Variants in NRXN3 observed in about 807,000 individuals in gnomAD.
NRXN3 encodes neurexin 3.
NRXN3 carries 32 observed loss-of-function variants against 137.6 expected under a neutral mutation model. The observed-to-expected ratio is 0.23, with a 90% CI of 0.18 to 0.31. The LOEUF is 0.31. NRXN3 is among the 10% of genes least tolerant of loss of function. The pLI is 1.00. For synonymous variants in NRXN3, 798 were observed against 784.5 expected, an observed-to-expected ratio of 1.02 and a Z score of -0.29; for missense variants, 1,574 against 2,062.5, an observed-to-expected ratio of 0.76 and a Z score of 4.59.
rs1245071165 is a variant in NRXN3, at chr14:79,845,604, CAG to C, written c.4094-15728_4094-15727del. On this transcript the variant is annotated intron_variant, in intron 20 of 20. Transcript: ENST00000335750. Reference sequence around the variant, plus strand: ...CCAGAGAGACAGAGAGAGAGAGAGACAGAGAGAGAGACGGAGACGGGGAGAGA... The same window carrying C: ...CCAGAGAGACAGAGAGAGAGAGAGACAGAGAGAGACGGAGACGGGGAGAGA... Among the ~76,000 whole-genome samples, 9 of 89,784 alleles carry C rather than the reference CAG, an allele frequency of 1.0e-4. 1 individual carries two copies. Among genetic ancestry groups the C allele is most frequent in the Non-Finnish European group, 2.0e-4 (8 of 40,296 alleles). The allele number at this position is 89,784 out of a possible 152,430, so 58.9% of individuals were successfully genotyped here.
chr14:78,414,633 CCA>C (rs767029500), intron 4 of NRXN3, among the ~76,000 whole-genome samples: 5 of 152,128 alleles, frequency 3.3e-5, no homozygotes, highest in Non-Finnish European at 7.3e-5. Context: ...CTATTCCTCT[CCA>C]TGACCCTGCA....
intron 15 of NRXN3, among the ~76,000 whole-genome samples, chr14:79,111,037 G>C (rs374800625): frequency 6.6e-6 from 1 of 151,994 alleles, no homozygotes; most frequent in African/African-American, 2.4e-5. Flanking sequence ...TGGTCTGCCC[G>C]CCTCGGCCTC....
intron 8 of NRXN3, among the ~76,000 whole-genome samples, chr14:78,741,149 T>G (rs984487242): frequency 2.6e-5 from 4 of 152,182 alleles, no homozygotes; most frequent in South Asian, 2.1e-4. Context: ...GTAGGTTTCA[T>G]GGAAAGAGGA....
chr14:78,661,810 G>A (rs755471279), intron 6 of NRXN3, among the ~76,000 whole-genome samples: 2 of 151,804 alleles, frequency 1.3e-5, no homozygotes, highest in African/African-American at 2.4e-5. Context: ...TGATAGGGCT[G>A]TTGTATTGAG....
chr14:79,261,120 G>C (rs1463147105), intron 15 of NRXN3, among the ~76,000 whole-genome samples: 3 of 152,210 alleles, frequency 2.0e-5, no homozygotes, highest in Non-Finnish European at 4.4e-5. Flanking sequence ...AAGGGGTGAG[G>C]AGGAGGGTGA....
At chr14:79,749,790 T>C (rs562269694) in intron 19 of NRXN3, among the ~76,000 whole-genome samples, 9 of 149,512 alleles carry the variant, frequency 6.0e-5, no homozygotes, top group Non-Finnish European at 1.2e-4. Context: ...TTTTTTTTTA[T>C]TGCATGTCTG....
intron 19 of NRXN3, among the ~76,000 whole-genome samples, chr14:79,801,190 T>C (rs757678887): frequency 5.9e-5 from 9 of 152,332 alleles, no homozygotes; most frequent in Non-Finnish European, 1.2e-4. Context: ...AGGAAGGAAC[T>C]GAATTCATAT....
At chr14:79,523,645 A>G (rs2097091484) in intron 16 of NRXN3, among the ~76,000 whole-genome samples, 1 of 152,212 alleles carries the variant, frequency 6.6e-6, no homozygotes, top group Non-Finnish European at 1.5e-5. Flanking sequence ...TCAAAATGGA[A>G]GGAAAAAAAA....
chr14:79,648,137 C>G lies in NRXN3; in HGVS notation c.3445-15641C>G, dbSNP rs556748686. Among the ~76,000 whole-genome samples the G allele has an allele frequency of 6.7e-4, 90 of 135,034 alleles. 5 individuals are homozygous for G. Among genetic ancestry groups the G allele is most frequent in the African/African-American group, 2.1e-3 (87 of 40,714 alleles). The allele number at this position is 135,034 out of a possible 152,430, so 88.6% of individuals were successfully genotyped here. The stretch of plus-strand genomic sequence containing the variant: ...TTATTGAGGTTCAGAGAGGTTGCTA[C>G]TTATATGGTAGCAAAAGTATTTCCC... On this transcript the variant is annotated intron_variant, in intron 16 of 20. Transcript: ENST00000335750.
intron 4 of NRXN3, among the ~76,000 whole-genome samples, chr14:78,605,653 A>C (rs2097244278): frequency 6.6e-6 from 1 of 152,180 alleles, no homozygotes; most frequent in African/African-American, 2.4e-5. Flanking sequence ...CTCATTTTAC[A>C]GTCTTTACAA....
chr14:79,248,011 T>C (rs1017621727), intron 15 of NRXN3, among the ~76,000 whole-genome samples: 31 of 152,182 alleles, frequency 2.0e-4, no homozygotes, highest in African/African-American at 7.2e-4. Context: ...TGAGCTTTCT[T>C]TGACTGGTGG....
rs112289907 is a variant in NRXN3, at chr14:79,647,180, T to C, written c.3445-16598T>C. Among the ~76,000 whole-genome samples, 348 of 136,414 alleles carry C rather than the reference T, an allele frequency of 2.6e-3. 28 individuals are homozygous for C. The highest frequency in any genetic ancestry group is 7.8e-3 in the African/African-American group (320 of 40,988). 89.5% of individuals were successfully genotyped at this position (136,414 alleles called of 152,430 possible). A position where few individuals can be genotyped will look rare whatever the true frequency, so the allele number is the denominator to read the frequency against. ...TGGTAGAGTGGCAATTTTGTTTTTC[T>C]GGCTCTTATATTGCAATGAATATTT... is the stretch of plus-strand genomic sequence containing the variant. On this transcript the variant is annotated intron_variant, in intron 16 of 20. Coordinates refer to ENST00000335750, the MANE Select transcript of NRXN3 (RefSeq NM_001330195.2).
chr14:79,466,800 A>T (rs1037657483), intron 15 of NRXN3, among the ~76,000 whole-genome samples: 4 of 152,074 alleles, frequency 2.6e-5, no homozygotes, highest in Non-Finnish European at 5.9e-5. Context: ...GGCTCCACTG[A>T]CCAGATTATG....
In NRXN3 at chr14:78,956,427, G is replaced by A. The variant is rs560279778; in HGVS notation, c.2276-815G>A. ...TTCCTGTTACCCCTGATTCTTTATA[G>A]GGTTCACTTGAACCTTAGCTTGAGC... On this transcript the variant is annotated intron_variant, in intron 10 of 20. Transcript: ENST00000335750. Among the ~76,000 whole-genome samples, 28 of 152,126 alleles carry A rather than the reference G, an allele frequency of 1.8e-4. 1 individual carries two copies. In the South Asian group the frequency reaches 5.0e-3, roughly 27 times the overall value.
intron 15 of NRXN3, among the ~76,000 whole-genome samples, chr14:79,257,956 A>G (rs1597947419): frequency 1.3e-5 from 2 of 152,194 alleles, no homozygotes; most frequent in South Asian, 4.2e-4. Context: ...ACTGGAAAAA[A>G]AAAAGTTGTG....
intron 2 of NRXN3, among the ~76,000 whole-genome samples, chr14:78,264,682 ACTCCCCT>A (rs1202502355): frequency 6.6e-6 from 1 of 151,816 alleles, no homozygotes; most frequent in African/African-American, 2.4e-5. Flanking sequence ...GCCACTTGGG[ACTCCCCT>A]CTCTCTGAAT....
chr14:78,381,830 C>T (rs2089181260), intron 4 of NRXN3, among the ~76,000 whole-genome samples: 1 of 152,120 alleles, frequency 6.6e-6, no homozygotes, highest in Admixed American at 6.6e-5. Flanking sequence ...AAGCCAATTC[C>T]CCAAAGGGTA....
In NRXN3 at chr14:79,840,903, T is replaced by C. The variant is rs186797172; in HGVS notation, c.4094-20439T>C. Among the ~76,000 whole-genome samples, 13 of 152,342 alleles carry C rather than the reference T, an allele frequency of 8.5e-5. No individual in the cohort carries two copies. In the East Asian group the frequency reaches 2.3e-3, roughly 27 times the overall value. ...TGTCAACCATTTGATCATACTCATT[T>C]GTTTCTAAGCATATATCTTAACTAA... On this transcript the variant is annotated intron_variant, in intron 20 of 20. Transcript: ENST00000335750.
At chr14:78,183,140 C>T (rs924185110) in intron 1 of NRXN3, among the ~76,000 whole-genome samples, 2 of 152,188 alleles carry the variant, frequency 1.3e-5, no homozygotes, top group African/African-American at 4.8e-5. Flanking sequence ...GCCGGCCCCT[C>T]TGTGCTGAAA....
Sources: allele counts gnomAD v4.1 joint callset (sites outside exome capture counted in the v4.1 genomes callset), GRCh38; gene constraint gnomAD v4.1.1; transcripts MANE v1.5; gene names NCBI Gene and HGNC (gene_info 2026-07-23, HGNC 2026-07-21).